Variants in ATP6V0D2 observed in about 807,000 individuals in gnomAD.
The protein encoded by ATP6V0D2 is ATPase H+ transporting V0 subunit d2.
Under a neutral mutation model 40.0 loss-of-function variants are expected in ATP6V0D2, and 40 were observed. The ratio of observed to expected loss-of-function variants is 1.00; its 90% CI spans 0.78 to 1.30. The LOEUF (loss-of-function observed/expected upper bound fraction) is 1.30, where lower values mean the gene tolerates loss of function less well. Ranked by LOEUF, ATP6V0D2 falls within the 50% of genes most tolerant of loss-of-function variation. The pLI is 0.00. For synonymous variants in ATP6V0D2, 179 were observed against 156.3 expected (o/e 1.15, Z -1.08); for missense variants, 470 against 423.1 (o/e 1.11, Z -0.97).
intron 6 of ATP6V0D2, among the ~76,000 whole-genome samples, chr8:86,151,102 C>T (rs2129646752): frequency 6.6e-6 from 1 of 152,296 alleles, no homozygotes; most frequent in Non-Finnish European, 1.5e-5. Flanking sequence ...TGAATTTTAT[C>T]AATTTTCATC....
intron 2 of ATP6V0D2, among the ~76,000 whole-genome samples, chr8:86,133,884 G>A (rs1433606846): frequency 6.6e-6 from 1 of 152,054 alleles, no homozygotes; most frequent in African/African-American, 2.4e-5. Context: ...GAGAAAAAAA[G>A]AAAGGTTGAA....
chr8:86,150,727 T>C (rs1819137682), intron 6 of ATP6V0D2, among the ~76,000 whole-genome samples: 1 of 152,196 alleles, frequency 6.6e-6, no homozygotes, highest in South Asian at 2.1e-4. Context: ...GTATTAGTTT[T>C]TCCACTCACC....
intron 2 of ATP6V0D2, among the ~76,000 whole-genome samples, chr8:86,114,307 A>G (rs114283670): frequency 0.027 from 4,124 of 152,266 alleles, 181 homozygotes; most frequent in African/African-American, 0.093. Flanking sequence ...GCAGTTGTGA[A>G]AGTTATATAT....
At position 86,113,770 on chromosome 8, in the gene ATP6V0D2, T is replaced by C. The variant is rs755719741; in HGVS notation, c.192T>C (p.Pro64=). Residue 64 remains proline (P), a synonymous_variant, in exon 2 of 8, where the codon CCT becomes CCC. Coordinates refer to ENST00000285393, the MANE Select transcript of ATP6V0D2 (RefSeq NM_152565.1). ...YGNFLANHTN[P]LTVSKIDTEM... is the part of the protein sequence containing the mutation. ...ACTTTTTGGCTAATCACACAAATCC[T>C]CTTACTGTTTCCAAAATTGACACTG... The C allele has an allele frequency of 6.2e-7, 1 of 1,613,940 alleles. No individual in the cohort carries two copies. The highest frequency in any genetic ancestry group is 8.5e-7 in the Non-Finnish European group (1 of 1,179,874).
intron 2 of ATP6V0D2, among the ~76,000 whole-genome samples, chr8:86,121,269 A>G (rs1818665515): frequency 6.6e-6 from 1 of 152,116 alleles, no homozygotes. Context: ...GAGGTTTATT[A>G]CAATAAGAAA....
At chr8:86,145,810 T>C (rs1346002335) in intron 5 of ATP6V0D2, among the ~76,000 whole-genome samples, 1 of 152,202 alleles carries the variant, frequency 6.6e-6, no homozygotes, top group African/African-American at 2.4e-5. Context: ...GAAATAAAAG[T>C]TATATCAAGA....
intron 1 of ATP6V0D2, among the ~76,000 whole-genome samples, chr8:86,103,295 T>C (rs938312992): frequency 8.6e-5 from 13 of 150,856 alleles, no homozygotes; most frequent in Non-Finnish European, 1.5e-4. Context: ...TTTTGTATTT[T>C]TTTTTTTTTT....
At chr8:86,120,909 A>G (rs1051679165) in intron 2 of ATP6V0D2, among the ~76,000 whole-genome samples, 3 of 152,168 alleles carry the variant, frequency 2.0e-5, no homozygotes, top group African/African-American at 7.2e-5. Flanking sequence ...TCGGTCTTCA[A>G]AAACCACTCA....
chr8:86,107,636 T>C (rs1358321132), intron 1 of ATP6V0D2, among the ~76,000 whole-genome samples: 2 of 152,212 alleles, frequency 1.3e-5, no homozygotes, highest in African/African-American at 4.8e-5. Context: ...CCTAAAACTT[T>C]TCAGTGGCTG....
chr8:86,117,946 A>G (rs1270115788), intron 2 of ATP6V0D2, among the ~76,000 whole-genome samples: 1 of 152,032 alleles, frequency 6.6e-6, no homozygotes, highest in Non-Finnish European at 1.5e-5. Flanking sequence ...CTTTGATGCC[A>G]GGCTAAGGAA....
chr8:86,103,816 T>C (rs1384721826), intron 1 of ATP6V0D2, among the ~76,000 whole-genome samples: 2 of 152,134 alleles, frequency 1.3e-5, no homozygotes, highest in African/African-American at 4.8e-5. Flanking sequence ...AGGCTCTTTA[T>C]GTGGCATAGT....
intron 5 of ATP6V0D2, among the ~76,000 whole-genome samples, chr8:86,144,134 A>G (rs1340367413): frequency 1.3e-5 from 2 of 152,174 alleles, no homozygotes; most frequent in Non-Finnish European, 2.9e-5. Context: ...CCTCTTAAGG[A>G]CCACAGATTT....
At chr8:86,145,360 AGG>A (rs1376662586) in intron 5 of ATP6V0D2, among the ~76,000 whole-genome samples, 161 of 121,774 alleles carry the variant, frequency 1.3e-3, no homozygotes, top group African/African-American at 5.2e-3. Flanking sequence ...GAAGGAAGGA[AGG>A]AAGGAAGGAA....
chr8:86,100,324 G>A (rs1818379227), intron 1 of ATP6V0D2, among the ~76,000 whole-genome samples: 1 of 151,942 alleles, frequency 6.6e-6, no homozygotes, highest in African/African-American at 2.4e-5. Flanking sequence ...ACCCATATAG[G>A]TCAATAATAA....
At chr8:86,108,553 G>A (rs182927772) in intron 1 of ATP6V0D2, among the ~76,000 whole-genome samples, 15 of 152,298 alleles carry the variant, frequency 9.8e-5, no homozygotes, top group Admixed American at 9.2e-4. Context: ...CAGCAGCAGA[G>A]TGTGGGGAAA....
At chr8:86,141,856 C>A (rs1013370753) in intron 4 of ATP6V0D2, among the ~76,000 whole-genome samples, 3 of 152,156 alleles carry the variant, frequency 2.0e-5, no homozygotes, top group African/African-American at 7.2e-5. Context: ...TTTAAAGCAA[C>A]CAGCATACAT....
At chr8:86,136,329 C>T (rs553192590) in intron 2 of ATP6V0D2, among the ~76,000 whole-genome samples, 45 of 152,270 alleles carry the variant, frequency 3.0e-4, no homozygotes, top group African/African-American at 1.1e-3. Flanking sequence ...ACACCATTGA[C>T]GCTGGTCGCC....
At chr8:86,145,233 A>AAGAAAGAAAGAAAGAAAGAAAGAAAG (rs1554589869) in intron 5 of ATP6V0D2, among the ~76,000 whole-genome samples, 1 of 38,442 alleles carries the variant, frequency 2.6e-5, no homozygotes, top group Non-Finnish European at 4.7e-5. Flanking sequence ...GAAAGAAAGA[A>AAGAAAGAAAGAAAGAAAGAAAGAAAG]AGAGAGAGAG....
chr8:86,113,516 G>A (rs1032921759), intron 1 of ATP6V0D2, among the ~76,000 whole-genome samples, 193 bp from the exon 2 acceptor site: 1 of 152,048 alleles, frequency 6.6e-6, no homozygotes, highest in African/African-American at 2.4e-5. Context: ...TGGTGTGCTG[G>A]ATTATCCATA....
Sources: gnomAD v4.1 joint callset for allele counts (sites outside exome capture counted in the v4.1 genomes callset) on GRCh38, gnomAD v4.1.1 for gene constraint, MANE v1.5 for transcripts, NCBI Gene and HGNC (gene_info 2026-07-23, HGNC 2026-07-21) for gene names.